PCNX2: variants seen among roughly 807,000 people sequenced by gnomAD.
PCNX2 encodes pecanex-like protein 2.
A neutral mutation model predicts 223.8 loss-of-function variants in PCNX2; 168 were observed. The ratio of observed to expected loss-of-function variants is 0.75; its 90% CI spans 0.66 to 0.85. PCNX2 has a LOEUF of 0.85. Among genes scored for constraint, PCNX2 ranks in the 40% least tolerant of loss-of-function variants. PCNX2 has a pLI of 0.00. For synonymous variants in PCNX2, 1,006 were observed against 1,052.6 expected, an observed-to-expected ratio of 0.96 and a Z score of 0.86; for missense variants, 2,507 against 2,675.5, an observed-to-expected ratio of 0.94 and a Z score of 1.39.
intron 9 of PCNX2, among the ~76,000 whole-genome samples, chr1:233,228,847 T>G (rs1204348913): frequency 6.6e-6 from 1 of 152,224 alleles, no homozygotes; most frequent in Non-Finnish European, 1.5e-5. Flanking sequence ...GCTGGATTAT[T>G]CTAATCCGTA....
chr1:233,273,662 C>T (rs1456700273), intron 1 of PCNX2, among the ~76,000 whole-genome samples: 3 of 149,592 alleles, frequency 2.0e-5, no homozygotes, highest in Non-Finnish European at 4.4e-5. Flanking sequence ...CTTACTCTGT[C>T]GCCAGGGCCG....
intron 23 of PCNX2, among the ~76,000 whole-genome samples, chr1:233,078,957 G>A (rs1673222377): frequency 6.6e-6 from 1 of 152,142 alleles, no homozygotes; most frequent in Non-Finnish European, 1.5e-5. Context: ...CAGTGGGATG[G>A]GGTCAAGTTC....
chr1:233,206,215 G>A (rs1454111754), intron 13 of PCNX2, among the ~76,000 whole-genome samples: 1 of 152,162 alleles, frequency 6.6e-6, no homozygotes, highest in African/African-American at 2.4e-5. Flanking sequence ...AAGAGGGAGT[G>A]TGGAGTGCAG....
At chr1:233,199,810 AC>A (rs1680953150) in intron 14 of PCNX2, among the ~76,000 whole-genome samples, 1 of 152,052 alleles carries the variant, frequency 6.6e-6, no homozygotes, top group Non-Finnish European at 1.5e-5. Context: ...ACACACACAC[AC>A]ACACACACAC....
At chr1:233,168,580 T>C (rs193301743) in intron 17 of PCNX2, among the ~76,000 whole-genome samples, 1 of 152,192 alleles carries the variant, frequency 6.6e-6, no homozygotes, top group African/African-American at 2.4e-5. Flanking sequence ...GTGAATGAAA[T>C]TGAACGACTC....
intron 8 of PCNX2, among the ~76,000 whole-genome samples, chr1:233,242,503 A>C (rs1658833256): frequency 6.6e-6 from 1 of 152,306 alleles, no homozygotes; most frequent in African/African-American, 2.4e-5. Flanking sequence ...TTTTGCATGC[A>C]TTTCCATTAG....
chr1:233,250,109 CAACT>C (rs1225764985), intron 8 of PCNX2, among the ~76,000 whole-genome samples: 2 of 152,100 alleles, frequency 1.3e-5, no homozygotes, highest in East Asian at 1.9e-4. Context: ...TTAGAGCAAC[CAACT>C]GAGACATGGC....
rs144102206 is a variant in PCNX2 at position 233,260,538 on chromosome 1, A to G, written c.517+747T>C. 4.3e-3 allele frequency among the ~76,000 whole-genome samples: 652 copies of G among 152,326 alleles called. 3 individuals are homozygous for G. Among genetic ancestry groups the G allele is most frequent in the African/African-American group, 0.015 (630 of 41,570 alleles). On this transcript the variant is annotated intron_variant, in intron 4 of 33. Coordinates refer to ENST00000258229, the MANE Select transcript of PCNX2 (RefSeq NM_014801.4). Reference sequence around the variant, plus strand: ...ATTTATTTCAGTAGCAATAATATAGAAAAAATATGGATAATCCTTTACATA... The same window carrying G: ...ATTTATTTCAGTAGCAATAATATAGGAAAAATATGGATAATCCTTTACATA...
intron 1 of PCNX2, chr1:233,289,121 A>G (rs1661613355): frequency 5.5e-6 from 5 of 902,580 alleles, no homozygotes; most frequent in South Asian, 2.6e-5. Context: ...TATATTTTGT[A>G]CAGCTTTTCC....
intron 15 of PCNX2, among the ~76,000 whole-genome samples, chr1:233,192,051 T>C (rs1321954612): frequency 6.6e-6 from 1 of 152,220 alleles, no homozygotes; most frequent in Non-Finnish European, 1.5e-5. Context: ...CTGAAACATG[T>C]TTTGTTTCAT....
At chr1:233,235,987 A>T (rs968477641) in intron 9 of PCNX2, among the ~76,000 whole-genome samples, 16 of 95,082 alleles carry the variant, frequency 1.7e-4, no homozygotes, top group South Asian at 6.3e-4. Flanking sequence ...TATATATATA[A>T]TTATATTATT....
Position 233,014,686 on chromosome 1 carries a change from G to C in PCNX2, c.4931C>G (p.Ala1644Gly), listed in dbSNP as rs1408418701. 1.2e-6 allele frequency: 2 copies of C among 1,613,842 alleles called. No homozygotes were observed. Among genetic ancestry groups the C allele is most frequent in the Non-Finnish European group, 1.7e-6 (2 of 1,179,872 alleles). The change falls in exon 28 of 34, where the codon GCC becomes GGC. Residue 1644 changes from alanine (A) to glycine (G), a missense_variant. Ala to Gly is a moderately conservative substitution (Grantham distance 60). This residue lies in a region of PCNX2 where 1,372 missense variants were observed against 1,509.4 expected (regional missense o/e 0.91). Coordinates refer to ENST00000258229, the MANE Select transcript of PCNX2 (RefSeq NM_014801.4). ...GTACCTGATGGCCATATTGTGAGCGGCTGTTCCCAGAGCTCTCCTCCCCAG... is the reference window on the plus strand; with the variant it reads ...GTACCTGATGGCCATATTGTGAGCGCCTGTTCCCAGAGCTCTCCTCCCCAG... ...CTLGRRALGT[A>G]AHNMAISLDS...
At chr1:233,167,689 A>C in intron 17 of PCNX2, 1 of 943,820 alleles carries the variant, frequency 1.1e-6, no homozygotes, top group Non-Finnish European at 1.3e-6. Flanking sequence ...TTAAATATAC[A>C]CAATAAAATC....
chr1:233,214,644 A>T (rs1682015279), intron 12 of PCNX2, among the ~76,000 whole-genome samples: 1 of 152,190 alleles, frequency 6.6e-6, no homozygotes, highest in South Asian at 2.1e-4. Context: ...TCAGTTACAC[A>T]TATATGGACA....
At chr1:233,008,899 A>T (rs148351273) in intron 28 of PCNX2, among the ~76,000 whole-genome samples, 52 of 152,310 alleles carry the variant, frequency 3.4e-4, no homozygotes, top group African/African-American at 1.1e-3. Flanking sequence ...GGAAGCGTGC[A>T]TAGGTGAGAA....
intron 25 of PCNX2, among the ~76,000 whole-genome samples, chr1:233,050,891 A>G (rs769856247): frequency 6.6e-6 from 1 of 152,190 alleles, no homozygotes; most frequent in Non-Finnish European, 1.5e-5. Flanking sequence ...AAGACAACCT[A>G]CAGAATGGGA....
chr1:233,327,292 A>T, the PCNX2 span, among the ~76,000 whole-genome samples: 1 of 146,668 alleles, frequency 6.8e-6, no homozygotes. Context: ...CGCCTCCCAG[A>T]CCATGTGGGC....
chr1:233,295,966 C>CTCTT (rs1553334201), upstream of PCNX2, among the ~76,000 whole-genome samples: 20 of 145,764 alleles, frequency 1.4e-4, no homozygotes, highest in African/African-American at 4.1e-4. This position sits in a 1 kb window ranked among gnomAD's most constrained non-coding sequence, Gnocchi z 4.1. Context: ...CTCTCTCTCT[C>CTCTT]TCTTTCTTTC....
intron 20 of PCNX2, among the ~76,000 whole-genome samples, chr1:233,138,051 G>A (rs933388502): frequency 6.6e-6 from 1 of 152,166 alleles, no homozygotes; most frequent in Non-Finnish European, 1.5e-5. Context: ...TTTGAGAACA[G>A]TTGGTCTAGT....
Sources: allele counts gnomAD v4.1 joint callset (sites outside exome capture counted in the v4.1 genomes callset), GRCh38; gene constraint gnomAD v4.1.1; regional missense constraint gnomAD v4.1.1; non-coding constraint Gnocchi (gnomAD v3.1); transcripts MANE v1.5; gene names NCBI Gene and HGNC (gene_info 2026-07-23, HGNC 2026-07-21).